The following ESRRG variants were observed in gnomAD, a reference collection of about 807,000 sequenced individuals.
ESRRG encodes estrogen-related receptor gamma.
A neutral mutation model predicts 44.0 loss-of-function variants in ESRRG; 13 were observed. The observed-to-expected ratio is 0.30, with a 90% CI of 0.19 to 0.47. The LOEUF (loss-of-function observed/expected upper bound fraction) is 0.47, where lower values mean the gene tolerates loss of function less well. Among genes scored for constraint, ESRRG ranks in the 20% least tolerant of loss-of-function variants. The probability of loss-of-function intolerance (pLI) is 1.00; values close to 1 mark genes in which losing one functional copy is unlikely to be tolerated. For missense variants in ESRRG, 395 were observed against 580.6 expected (o/e 0.68, Z 3.29); for synonymous variants, 215 against 214.6 (o/e 1.00, Z -0.02).
At chr1:216,973,186 C>A (rs910318020) in intron 1 of ESRRG, among the ~76,000 whole-genome samples, 1 of 152,104 alleles carries the variant, frequency 6.6e-6, no homozygotes, top group African/African-American at 2.4e-5. Context: ...TCATGTCACT[C>A]CTCACCTCAA....
At chr1:216,861,931 G>T (rs929808022) in intron 2 of ESRRG, among the ~76,000 whole-genome samples, 1 of 152,114 alleles carries the variant, frequency 6.6e-6, no homozygotes. Flanking sequence ...TGATAAATGA[G>T]CACATGAAAG....
At chr1:217,003,572 AATTAATAAGT>A (rs1290067964) in intron 1 of ESRRG, among the ~76,000 whole-genome samples, 8 of 103,592 alleles carry the variant, frequency 7.7e-5, no homozygotes, top group South Asian at 3.5e-4. Context: ...TATTAATACT[AATTAATAAGT>A]ATTAATATTA....
intron 2 of ESRRG, among the ~76,000 whole-genome samples, chr1:216,665,115 CAGAG>C (rs1344634900): frequency 6.6e-6 from 1 of 152,138 alleles, no homozygotes; most frequent in Non-Finnish European, 1.5e-5. Flanking sequence ...TTTTGAGAGA[CAGAG>C]AGACCACATT....
intron 3 of ESRRG, among the ~76,000 whole-genome samples, chr1:216,612,397 C>A (rs1241234031): frequency 6.6e-6 from 1 of 152,204 alleles, no homozygotes; most frequent in East Asian, 1.9e-4. Flanking sequence ...CTGTTTCAAT[C>A]CTCAGGTGTC....
chr1:216,865,748 G>A (rs866469667), intron 2 of ESRRG, among the ~76,000 whole-genome samples: 8 of 152,218 alleles, frequency 5.3e-5, no homozygotes, highest in Middle Eastern at 3.4e-3. Flanking sequence ...AATTTCTCTC[G>A]TGATACTAGA....
chr1:216,688,511 A>G (rs567597813), intron 1 of ESRRG, among the ~76,000 whole-genome samples: 32 of 152,330 alleles, frequency 2.1e-4, no homozygotes, highest in African/African-American at 6.7e-4. Flanking sequence ...ATACAAAAAC[A>G]AAACAAAAAT....
chr1:217,026,525 A>G (rs868168761), intron 1 of ESRRG, among the ~76,000 whole-genome samples: 1 of 152,172 alleles, frequency 6.6e-6, no homozygotes, highest in South Asian at 2.1e-4. Context: ...AGTTTATTAA[A>G]TAGCACCTAG....
At chr1:216,824,186 C>A (rs187854078) in intron 2 of ESRRG, among the ~76,000 whole-genome samples, 1 of 152,260 alleles carries the variant, frequency 6.6e-6, no homozygotes, top group East Asian at 1.9e-4. Flanking sequence ...GTGGCTCATG[C>A]CTGTAATCCC....
chr1:216,805,763 C>T (rs560506734), intron 2 of ESRRG, among the ~76,000 whole-genome samples: 2 of 151,270 alleles, frequency 1.3e-5, no homozygotes, highest in African/African-American at 4.8e-5. Flanking sequence ...TTTTTTTAAC[C>T]TTTAGGTGTT....
intron 1 of ESRRG, among the ~76,000 whole-genome samples, chr1:217,137,203 G>T (rs1315920078): frequency 6.6e-6 from 1 of 152,170 alleles, no homozygotes; most frequent in African/African-American, 2.4e-5. Context: ...AAACCAAACA[G>T]GGTCCCCCAT....
intron 2 of ESRRG, among the ~76,000 whole-genome samples, chr1:216,852,452 C>T (rs867998183): frequency 6.6e-6 from 1 of 152,134 alleles, no homozygotes; most frequent in Non-Finnish European, 1.5e-5. Flanking sequence ...CAAAAAGTAG[C>T]TCACTTATCT....
At chr1:216,547,353 G>A (rs1309478974) in intron 5 of ESRRG, among the ~76,000 whole-genome samples, 1 of 151,972 alleles carries the variant, frequency 6.6e-6, no homozygotes, top group East Asian at 1.9e-4. Flanking sequence ...AGTTTTTGAA[G>A]GCAGATTTCC....
At chr1:217,103,042 G>A (rs2092540310) in intron 1 of ESRRG, among the ~76,000 whole-genome samples, 1 of 152,204 alleles carries the variant, frequency 6.6e-6, no homozygotes, top group African/African-American at 2.4e-5. Flanking sequence ...AAATCATACT[G>A]TCAAATAATT....
chr1:216,679,754 T>C (rs2076733137), intron 1 of ESRRG, among the ~76,000 whole-genome samples: 1 of 151,838 alleles, frequency 6.6e-6, no homozygotes, highest in African/African-American at 2.4e-5. Flanking sequence ...TTCACCCCAA[T>C]TTTCTTTTTT....
At chr1:216,754,306 T>C (rs976977783) in intron 2 of ESRRG, among the ~76,000 whole-genome samples, 8 of 152,024 alleles carry the variant, frequency 5.3e-5, no homozygotes, top group Non-Finnish European at 1.2e-4. Context: ...TCACATGATA[T>C]AGTGCTGTCT....
At chr1:216,560,005 A>G (rs2149489223) in intron 5 of ESRRG, among the ~76,000 whole-genome samples, 1 of 152,310 alleles carries the variant, frequency 6.6e-6, no homozygotes, top group African/African-American at 2.4e-5. Flanking sequence ...AGCTAAGTCA[A>G]TGAGCAATTT....
At chr1:216,602,642 C>A (rs1199689902) in intron 3 of ESRRG, among the ~76,000 whole-genome samples, 1 of 152,162 alleles carries the variant, frequency 6.6e-6, no homozygotes, top group East Asian at 1.9e-4. Flanking sequence ...GAGAGAAGAT[C>A]TGCAAGGATT....
At chr1:217,015,731 A>AT (rs11347206) in intron 1 of ESRRG, among the ~76,000 whole-genome samples, 2,535 of 142,096 alleles carry the variant, frequency 0.018, 55 homozygotes, top group African/African-American at 0.055. Context: ...GGGCAGCTAG[A>AT]TTTTTTTTTT....
chr1:216,939,853 A>G (rs2064920635), intron 1 of ESRRG, among the ~76,000 whole-genome samples: 1 of 152,138 alleles, frequency 6.6e-6, no homozygotes, highest in South Asian at 2.1e-4. Context: ...ATTTTCCTAC[A>G]CATACACTCA....
Sources: gnomAD v4.1 joint callset for allele counts (sites outside exome capture counted in the v4.1 genomes callset) on GRCh38, gnomAD v4.1.1 for gene constraint, MANE v1.5 for transcripts, NCBI Gene and HGNC (gene_info 2026-07-23, HGNC 2026-07-21) for gene names.